The following FNDC3B variants were observed in gnomAD, a reference collection of about 807,000 sequenced individuals.
FNDC3B encodes fibronectin type III domain containing 3B, also known as fibronectin type III domain-containing protein 3B.
Under a neutral mutation model 151.5 loss-of-function variants are expected in FNDC3B, and 12 were observed. That is an observed-to-expected ratio of 0.08 (90% confidence interval 0.05 to 0.13). The LOEUF is 0.13. FNDC3B is among the 10% of genes least tolerant of loss of function. The pLI is 1.00. For missense variants in FNDC3B, 1,214 were observed against 1,505.3 expected (o/e 0.81, Z 3.20); for synonymous variants, 528 against 549.0 (o/e 0.96, Z 0.54).
At chr3:172,370,106 G>A (rs1576953554) in intron 23 of FNDC3B, among the ~76,000 whole-genome samples, 1 of 152,164 alleles carries the variant, frequency 6.6e-6, no homozygotes, top group Non-Finnish European at 1.5e-5. Context: ...ATTTTGAGGA[G>A]TTAATATTAA....
chr3:172,091,034 G>C (rs1040157843), intron 1 of FNDC3B, among the ~76,000 whole-genome samples: 3 of 152,084 alleles, frequency 2.0e-5, no homozygotes, highest in Admixed American at 2.0e-4. Flanking sequence ...AAGCATTTCA[G>C]GTGAGGAATA....
chr3:172,329,287 G>A (rs549582890), intron 12 of FNDC3B: 66 of 492,722 alleles, frequency 1.3e-4, no homozygotes, highest in African/African-American at 1.1e-3. Context: ...GCTGTATTGC[G>A]AAGGCCCCAC....
chr3:172,266,644 G>A (rs572966237), intron 6 of FNDC3B, among the ~76,000 whole-genome samples: 2 of 152,278 alleles, frequency 1.3e-5, no homozygotes, highest in East Asian at 3.9e-4. Flanking sequence ...CCAGCCTCAG[G>A]TGGATGCTGG....
At chr3:172,283,420 G>C (rs1014208088) in intron 6 of FNDC3B, among the ~76,000 whole-genome samples, 1 of 152,296 alleles carries the variant, frequency 6.6e-6, no homozygotes, top group African/African-American at 2.4e-5. Flanking sequence ...CTAGTGCATA[G>C]TCCTGAGGAT....
rs1345276203 is a variant in FNDC3B at position 172,352,773 on chromosome 3, T to C, written c.2515-30T>C. On this transcript the variant is annotated intron_variant, in intron 21 of 25. Transcript: ENST00000415807. The surrounding 1 kb of genome is among the most constrained non-coding windows in gnomAD (Gnocchi z 4.2). Reference sequence around the variant, plus strand: ...ATCAAAATGTGCTAATGGTGTAATATGGCCTTTGTCTTGCTGTTCTGTTTT... The same window carrying C: ...ATCAAAATGTGCTAATGGTGTAATACGGCCTTTGTCTTGCTGTTCTGTTTT... The C allele has an allele frequency of 3.1e-6, 5 of 1,604,092 alleles. No homozygotes were observed. Among genetic ancestry groups the C allele is most frequent in the Non-Finnish European group, 4.3e-6 (5 of 1,176,190 alleles).
intron 3 of FNDC3B, among the ~76,000 whole-genome samples, chr3:172,145,884 G>T (rs1721885271): frequency 6.7e-6 from 1 of 149,580 alleles, no homozygotes; most frequent in Non-Finnish European, 1.5e-5. Context: ...TGTGATCTCG[G>T]CTCACTGCAA....
At chr3:172,257,894 T>A (rs113014217) in intron 6 of FNDC3B, among the ~76,000 whole-genome samples, 3,226 of 152,172 alleles carry the variant, frequency 0.021, 117 homozygotes, top group African/African-American at 0.074. Flanking sequence ...TGAGAACTGC[T>A]GGCTCTTTGA....
At chr3:172,168,110 G>C (rs1723098733) in intron 3 of FNDC3B, among the ~76,000 whole-genome samples, 1 of 152,218 alleles carries the variant, frequency 6.6e-6, no homozygotes, top group Non-Finnish European at 1.5e-5. Flanking sequence ...GCAGCTCATA[G>C]TATGAGCATA....
At chr3:172,361,659 A>T (rs1221471436) in intron 22 of FNDC3B, among the ~76,000 whole-genome samples, 1 of 151,638 alleles carries the variant, frequency 6.6e-6, no homozygotes, top group African/African-American at 2.4e-5. Flanking sequence ...AGCCCTCCAG[A>T]CTCTTCCAGT....
At chr3:172,062,088 G>GT (rs1350074434) in intron 1 of FNDC3B, among the ~76,000 whole-genome samples, 1 of 152,130 alleles carries the variant, frequency 6.6e-6, no homozygotes, top group East Asian at 1.9e-4. Flanking sequence ...TTCCTTAATA[G>GT]TTTTTTTATA....
intron 2 of FNDC3B, among the ~76,000 whole-genome samples, chr3:172,126,658 A>G (rs1222184562): frequency 6.6e-6 from 1 of 152,160 alleles, no homozygotes; most frequent in African/African-American, 2.4e-5. Flanking sequence ...CAACGTCTCA[A>G]ACTAGTTGCT....
rs1370243003 is a variant in FNDC3B at position 172,333,942 on chromosome 3, T to C, written c.1641+767T>C. On this transcript the variant is annotated intron_variant, in intron 14 of 25. Transcript: ENST00000415807. ...GGTCATTAACAGCCACCATTAATGT[T>C]ACTATAGGACTATGTGTAGTAGCCA... is the stretch of plus-strand genomic sequence containing the variant. 2.0e-5 allele frequency among the ~76,000 whole-genome samples: 3 copies of C among 152,274 alleles called. No individual in the cohort carries two copies. In the South Asian group the frequency reaches 6.2e-4, roughly 32 times the overall value.
At chr3:172,137,244 A>G (rs1417650923) in intron 3 of FNDC3B, among the ~76,000 whole-genome samples, 1 of 152,202 alleles carries the variant, frequency 6.6e-6, no homozygotes, top group Non-Finnish European at 1.5e-5. Context: ...TTTACTTGTA[A>G]CTGAATTTAT....
intron 3 of FNDC3B, among the ~76,000 whole-genome samples, chr3:172,146,787 A>C (rs971192050): frequency 1.3e-5 from 2 of 152,232 alleles, no homozygotes; most frequent in Admixed American, 6.5e-5. Context: ...GAACCTATTA[A>C]AATTGCTTTT....
At chr3:172,163,514 A>C (rs1722877938) in intron 3 of FNDC3B, among the ~76,000 whole-genome samples, 1 of 152,194 alleles carries the variant, frequency 6.6e-6, no homozygotes, top group Non-Finnish European at 1.5e-5. Flanking sequence ...ACATGCACGC[A>C]CACATGCATC....
chr3:172,372,537 T>C (rs1734932225), intron 23 of FNDC3B, among the ~76,000 whole-genome samples: 1 of 152,256 alleles, frequency 6.6e-6, no homozygotes, highest in African/African-American at 2.4e-5. Context: ...GTGAGCATTT[T>C]ATTTGTATTC....
At chr3:172,110,645 T>C (rs1719911444) in intron 1 of FNDC3B, among the ~76,000 whole-genome samples, 1 of 151,654 alleles carries the variant, frequency 6.6e-6, no homozygotes, top group African/African-American at 2.4e-5. Context: ...CTCGCTAATG[T>C]AGCAGAGGGG....
chr3:172,155,280 A>G lies in FNDC3B; in HGVS notation c.187+21734A>G, dbSNP rs73041138. ...TCTCGTGGAGGATTCTTCTTTGGAG[A>G]TAGGAAAGCAGTTTGATTCCCTGAT... On this transcript the variant is annotated intron_variant, in intron 3 of 25. Transcript: ENST00000415807. 4.2e-3 allele frequency among the ~76,000 whole-genome samples: 647 copies of G among 152,244 alleles called. 7 individuals are homozygous for G. The highest frequency in any genetic ancestry group is 0.015 in the African/African-American group (633 of 41,532).
chr3:172,320,258 T>C (rs1242643396), intron 11 of FNDC3B, among the ~76,000 whole-genome samples: 1 of 152,078 alleles, frequency 6.6e-6, no homozygotes, highest in Admixed American at 6.5e-5. Flanking sequence ...CGCACTCCTG[T>C]AATCCCAGTT....
Sources: gnomAD v4.1 joint callset for allele counts (sites outside exome capture counted in the v4.1 genomes callset) on GRCh38, gnomAD v4.1.1 for gene constraint, Gnocchi (gnomAD v3.1) non-coding constraint, MANE v1.5 for transcripts, NCBI Gene and HGNC (gene_info 2026-07-23, HGNC 2026-07-21) for gene names.